FUT9: variants seen among roughly 807,000 people sequenced by gnomAD.
The protein encoded by FUT9 is 4-galactosyl-N-acetylglucosaminide 3-alpha-L-fucosyltransferase 9.
Under a neutral mutation model 29.7 loss-of-function variants are expected in FUT9, and 15 were observed. That is an observed-to-expected ratio of 0.51 (90% CI 0.34 to 0.78). The LOEUF is 0.78. Ranked by LOEUF, FUT9 falls within the 30% of genes least tolerant of loss-of-function variation. The probability of loss-of-function intolerance (pLI) is 0.01; values close to 1 mark genes in which losing one functional copy is unlikely to be tolerated. For missense variants in FUT9, 319 were observed against 425.4 expected, an observed-to-expected ratio of 0.75 and a Z score of 2.20; for synonymous variants, 169 against 153.7, an observed-to-expected ratio of 1.10 and a Z score of -0.74.
At chr6:96,087,492 G>A (rs143184468) in intron 1 of FUT9, among the ~76,000 whole-genome samples, 30 of 150,780 alleles carry the variant, frequency 2.0e-4, no homozygotes, top group African/African-American at 7.3e-4. Context: ...TCAGCCTCCT[G>A]AGTAGCTAGG....
intron 2 of FUT9, among the ~76,000 whole-genome samples, chr6:96,178,098 G>C (rs554177407): frequency 1.3e-4 from 20 of 152,150 alleles, no homozygotes; most frequent in African/African-American, 4.6e-4. Flanking sequence ...GCCAGACTTT[G>C]CTGGGTGCAG....
At chr6:96,134,399 C>T (rs1474710106) in intron 2 of FUT9, among the ~76,000 whole-genome samples, 1 of 151,694 alleles carries the variant, frequency 6.6e-6, no homozygotes, top group African/African-American at 2.4e-5. Flanking sequence ...ATATTCCATT[C>T]TTTGTTTGGA....
chr6:96,128,147 T>G (rs1012384691), intron 2 of FUT9, among the ~76,000 whole-genome samples: 1 of 152,154 alleles, frequency 6.6e-6, no homozygotes, highest in Non-Finnish European at 1.5e-5. Flanking sequence ...TTCAACTACC[T>G]AATTATCAAA....
chr6:96,070,893 T>C (rs1771048432), intron 1 of FUT9, among the ~76,000 whole-genome samples: 1 of 152,184 alleles, frequency 6.6e-6, no homozygotes, highest in Non-Finnish European at 1.5e-5. Context: ...TTGCTAAGGA[T>C]GCAGTAATCT....
At chr6:96,092,906 G>A (rs1258843259) in intron 1 of FUT9, among the ~76,000 whole-genome samples, 1 of 151,894 alleles carries the variant, frequency 6.6e-6, no homozygotes, top group Non-Finnish European at 1.5e-5. Flanking sequence ...GACTTCAGGT[G>A]CATGCCACCA....
intron 1 of FUT9, among the ~76,000 whole-genome samples, chr6:96,111,795 T>C (rs1171779996): frequency 6.6e-6 from 1 of 152,154 alleles, no homozygotes; most frequent in Non-Finnish European, 1.5e-5. Flanking sequence ...CAAATAGTAA[T>C]ATATATATGT....
chr6:96,201,803 A>T (rs1773730092), intron 2 of FUT9, among the ~76,000 whole-genome samples: 1 of 151,046 alleles, frequency 6.6e-6, no homozygotes, highest in African/African-American at 2.4e-5. Context: ...GCAATCTCTG[A>T]TTCCAATACC....
At chr6:96,041,662 T>C (rs930256204) in intron 1 of FUT9, among the ~76,000 whole-genome samples, 1 of 152,192 alleles carries the variant, frequency 6.6e-6, no homozygotes, top group Non-Finnish European at 1.5e-5. Flanking sequence ...CATAAAAGCA[T>C]ATGTCTAAGG....
intron 2 of FUT9, among the ~76,000 whole-genome samples, chr6:96,128,897 G>T (rs1012531203): frequency 6.6e-6 from 1 of 151,994 alleles, no homozygotes. Context: ...GGCTGAGTAG[G>T]AAGGATCTCT....
At position 96,049,138 on chromosome 6, in the gene FUT9, G is replaced by T. The variant is rs940154873; in HGVS notation, c.-98+32926G>T. Reference sequence around the variant, plus strand: ...ATGGAATGGATCCTCTTGAAGTAAGGGTTTGATTGGTCTAAGTCAGAAAGT... The same window carrying T: ...ATGGAATGGATCCTCTTGAAGTAAGTGTTTGATTGGTCTAAGTCAGAAAGT... On this transcript the variant is annotated intron_variant, in intron 1 of 2. Transcript: ENST00000302103. Among the ~76,000 whole-genome samples the T allele has an allele frequency of 4.6e-5, 7 of 152,262 alleles. No individual in the cohort carries two copies. The East Asian group carries it at 1.4e-3, about 29-fold the overall frequency.
At position 96,129,284 on chromosome 6, in the gene FUT9, AAAAAAAAACAAAC is replaced by A. The variant is rs761629172; in HGVS notation, c.-9+15160_-9+15172del. On this transcript the variant is annotated intron_variant, in intron 2 of 2. Coordinates refer to ENST00000302103, the MANE Select transcript of FUT9 (RefSeq NM_006581.4). Reference sequence around the variant, plus strand: ...TGTCTCAAAAAAAAAAAAAAAAAAAAAAAAAAAACAAACAACCAGCCATGGTGGCATGTGCCTG... The same window carrying A: ...TGTCTCAAAAAAAAAAAAAAAAAAAAAACCAGCCATGGTGGCATGTGCCTG... Among the ~76,000 whole-genome samples the A allele has an allele frequency of 8.7e-3, 63 of 7,278 alleles. 5 individuals carry two copies. The East Asian group carries it at 0.17, about 19-fold the overall frequency. The allele number at this position is 7,278 out of a possible 152,430, so 4.8% of individuals were successfully genotyped here.
chr6:96,148,392 A>T (rs1041330255), intron 2 of FUT9, among the ~76,000 whole-genome samples: 3 of 152,190 alleles, frequency 2.0e-5, no homozygotes, highest in Admixed American at 2.0e-4. Flanking sequence ...TTCTCCATTA[A>T]GGTGGATAAT....
At chr6:96,178,342 G>C (rs1773243291) in intron 2 of FUT9, among the ~76,000 whole-genome samples, 1 of 152,114 alleles carries the variant, frequency 6.6e-6, no homozygotes, top group Admixed American at 6.6e-5. Context: ...GGGAGACACT[G>C]TATTATGGAA....
At chr6:96,048,999 A>C (rs1160114610) in intron 1 of FUT9, among the ~76,000 whole-genome samples, 1 of 152,164 alleles carries the variant, frequency 6.6e-6, no homozygotes, top group Non-Finnish European at 1.5e-5. Flanking sequence ...TATAATAATA[A>C]AAATGTTTTC....
At chr6:96,165,556 C>A (rs1773000910) in intron 2 of FUT9, among the ~76,000 whole-genome samples, 1 of 151,640 alleles carries the variant, frequency 6.6e-6, no homozygotes, top group South Asian at 2.1e-4. Context: ...AATGCAAAGA[C>A]CTTTATATTT....
At chr6:96,135,963 T>C (rs936557485) in intron 2 of FUT9, among the ~76,000 whole-genome samples, 36 of 150,880 alleles carry the variant, frequency 2.4e-4, no homozygotes, top group African/African-American at 8.0e-4. Context: ...ATATTCGATA[T>C]CTAGTATAGC....
intron 1 of FUT9, among the ~76,000 whole-genome samples, chr6:96,065,358 C>G (rs1281009119): frequency 6.6e-6 from 1 of 152,072 alleles, no homozygotes; most frequent in Non-Finnish European, 1.5e-5. Context: ...TCAATTTTTC[C>G]TCTCCTTGCA....
intron 1 of FUT9, among the ~76,000 whole-genome samples, chr6:96,070,363 A>G (rs1188833106): frequency 1.3e-5 from 2 of 152,212 alleles, no homozygotes; most frequent in Non-Finnish European, 2.9e-5. Context: ...ACAAAATGAG[A>G]AAAGTTAACT....
chr6:96,158,117 G>A (rs949270116), intron 2 of FUT9, among the ~76,000 whole-genome samples: 4 of 151,972 alleles, frequency 2.6e-5, no homozygotes, highest in Non-Finnish European at 5.9e-5. Context: ...TATGATTAGT[G>A]GTTACTATAA....
Sources: gnomAD v4.1 joint callset for allele counts (sites outside exome capture counted in the v4.1 genomes callset) on GRCh38, gnomAD v4.1.1 for gene constraint, MANE v1.5 for transcripts, NCBI Gene and HGNC (gene_info 2026-07-23, HGNC 2026-07-21) for gene names.